Variants in MAF observed in about 807,000 individuals in gnomAD.
The protein encoded by MAF is transcription factor Maf.
A neutral mutation model predicts 22.0 loss-of-function variants in MAF; 10 were observed. The ratio of observed to expected loss-of-function variants is 0.45; its 90% CI spans 0.28 to 0.77. The LOEUF is 0.77. Among genes scored for constraint, MAF ranks in the 30% least tolerant of loss-of-function variants. The probability of loss-of-function intolerance (pLI) is 0.12; values close to 1 mark genes in which losing one functional copy is unlikely to be tolerated. For synonymous variants in MAF, 337 were observed against 255.8 expected (o/e 1.32, Z -3.03); for missense variants, 544 against 548.4 (o/e 0.99, Z 0.08).
chr16:79,521,985 C>G, the MAF span, among the ~76,000 whole-genome samples: 1 of 152,030 alleles, frequency 6.6e-6, no homozygotes, highest in South Asian at 2.1e-4. Flanking sequence ...GAAGAAACAG[C>G]CAGGAAAATG....
At chr16:79,314,228 A>G in the MAF span, among the ~76,000 whole-genome samples, 1 of 152,148 alleles carries the variant, frequency 6.6e-6, no homozygotes, top group Non-Finnish European at 1.5e-5. Context: ...ATGACCAAAT[A>G]CTTGCAAGGT....
chr16:79,576,173 A>T, the MAF span, among the ~76,000 whole-genome samples: 1 of 150,592 alleles, frequency 6.6e-6, no homozygotes, highest in Non-Finnish European at 1.5e-5. Context: ...AGAATGACAA[A>T]TGAATTTTTC....
At chr16:79,246,183 G>C in the MAF span, among the ~76,000 whole-genome samples, 1 of 151,984 alleles carries the variant, frequency 6.6e-6, no homozygotes, top group Non-Finnish European at 1.5e-5. Context: ...TTCTGCGCAT[G>C]TGCCCCAGAA....
At chr16:79,277,232 A>C in the MAF span, among the ~76,000 whole-genome samples, 1 of 151,922 alleles carries the variant, frequency 6.6e-6, no homozygotes, top group Admixed American at 6.6e-5. Flanking sequence ...CCTCATCTTA[A>C]CCTGATTACA....
the MAF span, among the ~76,000 whole-genome samples, chr16:79,547,888 G>A: frequency 1.4e-5 from 2 of 142,350 alleles, no homozygotes; most frequent in South Asian, 2.4e-4. Context: ...GTGCGTGTGT[G>A]TGTGTGTGTG....
At chr16:79,590,234 G>T (rs539780037), downstream of MAF, among the ~76,000 whole-genome samples, 123 of 152,276 alleles carry the variant, frequency 8.1e-4, no homozygotes, top group Non-Finnish European at 1.2e-3. Context: ...GGGGCATGGA[G>T]GGAGGGTTGT....
chr16:79,245,043 T>A, the MAF span, among the ~76,000 whole-genome samples: 1 of 152,038 alleles, frequency 6.6e-6, no homozygotes, highest in South Asian at 2.1e-4. Flanking sequence ...GACCCCTTCC[T>A]TACACTCTAT....
At chr16:79,248,091 C>T in the MAF span, among the ~76,000 whole-genome samples, 5 of 151,774 alleles carry the variant, frequency 3.3e-5, no homozygotes, top group South Asian at 2.1e-4. Context: ...ACCCTCATGT[C>T]GGGATTAATT....
the MAF span, among the ~76,000 whole-genome samples, chr16:79,345,754 A>T: frequency 4.5e-4 from 64 of 143,338 alleles, no homozygotes; most frequent in African/African-American, 1.5e-3. Flanking sequence ...AAAAAAAAAA[A>T]ATCTTTAACT....
At chr16:79,527,893 C>T in the MAF span, among the ~76,000 whole-genome samples, 1 of 152,060 alleles carries the variant, frequency 6.6e-6, no homozygotes, top group African/African-American at 2.4e-5. Flanking sequence ...TGTAATCCCA[C>T]CACTTTGGGA....
the MAF span, among the ~76,000 whole-genome samples, chr16:79,325,550 G>A: frequency 0.013 from 1,931 of 151,314 alleles, 43 homozygotes; most frequent in African/African-American, 0.045. Context: ...GCTTCCTTAA[G>A]GCACACAGAC....
the MAF span, among the ~76,000 whole-genome samples, chr16:79,426,374 C>G: frequency 7.2e-6 from 1 of 138,312 alleles, no homozygotes; most frequent in Admixed American, 6.9e-5. Context: ...CATGAATTCT[C>G]TAACTGTTTC....
At chr16:79,546,508 G>A in the MAF span, among the ~76,000 whole-genome samples, 1 of 152,176 alleles carries the variant, frequency 6.6e-6, no homozygotes, top group Non-Finnish European at 1.5e-5. Context: ...CATCTTTATG[G>A]AAATTTCCCA....
the MAF span, among the ~76,000 whole-genome samples, chr16:79,326,230 T>C: frequency 1.3e-5 from 2 of 152,174 alleles, no homozygotes; most frequent in African/African-American, 4.8e-5. Context: ...CCTGCAGAAA[T>C]AATAACAGTA....
At chr16:79,279,225 A>T in the MAF span, among the ~76,000 whole-genome samples, 1 of 151,996 alleles carries the variant, frequency 6.6e-6, no homozygotes, top group Non-Finnish European at 1.5e-5. Flanking sequence ...TCTCACCCCG[A>T]TCCATGCATG....
chr16:79,520,220 T>A, the MAF span, among the ~76,000 whole-genome samples: 6 of 152,184 alleles, frequency 3.9e-5, no homozygotes, highest in African/African-American at 1.4e-4. Flanking sequence ...TGGGGCCATC[T>A]TATATAATTC....
chr16:79,549,991 C>A, the MAF span, among the ~76,000 whole-genome samples: 7 of 152,274 alleles, frequency 4.6e-5, no homozygotes, highest in Non-Finnish European at 7.4e-5. Flanking sequence ...GCCTTGGTGG[C>A]AGTATAAACT....
the MAF span, among the ~76,000 whole-genome samples, chr16:79,492,701 A>C: frequency 5.9e-5 from 9 of 152,194 alleles, no homozygotes; most frequent in Non-Finnish European, 1.0e-4. Context: ...GAAAAAAAAA[A>C]CAACTATTGC....
chr16:79,262,772 C>G, the MAF span, among the ~76,000 whole-genome samples: 70,713 of 152,008 alleles, frequency 0.47, 17,353 homozygotes, highest in Non-Finnish European at 0.52. Flanking sequence ...TAATGGGACT[C>G]AACTCCCAGC....
Sources: allele counts gnomAD v4.1 joint callset (sites outside exome capture counted in the v4.1 genomes callset), GRCh38; gene constraint gnomAD v4.1.1; transcripts MANE v1.5; gene names NCBI Gene and HGNC (gene_info 2026-07-23, HGNC 2026-07-21).